DCC: variants seen among roughly 807,000 people sequenced by gnomAD.
DCC encodes the protein DCC netrin 1 receptor.
Under a neutral mutation model 172.5 loss-of-function variants are expected in DCC, and 58 were observed. The ratio of observed to expected loss-of-function variants is 0.34; its 90% CI spans 0.27 to 0.42. DCC has a LOEUF of 0.42. DCC is among the 10% of genes least tolerant of loss of function. The pLI, the probability that DCC is intolerant of heterozygous loss-of-function variation, is 1.00. For missense variants in DCC, 1,740 were observed against 1,791.0 expected (o/e 0.97, Z 0.51); for synonymous variants, 709 against 644.5 (o/e 1.10, Z -1.52).
At chr18:53,379,589 G>A (rs1907565938) in intron 15 of DCC, among the ~76,000 whole-genome samples, 2 of 152,102 alleles carry the variant, frequency 1.3e-5, no homozygotes, top group South Asian at 2.1e-4. Flanking sequence ...CACCTACCAA[G>A]TCTCAGGGGA....
intron 5 of DCC, among the ~76,000 whole-genome samples, chr18:52,926,974 C>T (rs28649062): frequency 3.4e-5 from 4 of 116,620 alleles, no homozygotes; most frequent in African/African-American, 1.2e-4. Context: ...GATATATATA[C>T]ATATATATGG....
At chr18:52,735,289 A>T (rs2036707644) in intron 1 of DCC, among the ~76,000 whole-genome samples, 1 of 152,140 alleles carries the variant, frequency 6.6e-6, no homozygotes, top group South Asian at 2.1e-4. Flanking sequence ...GGTTGCCAAC[A>T]TCAGTAGTAT....
intron 1 of DCC, among the ~76,000 whole-genome samples, chr18:52,455,360 A>G (rs1208120806): frequency 1.3e-5 from 2 of 152,192 alleles, no homozygotes; most frequent in Non-Finnish European, 2.9e-5. Context: ...CAGAATCACC[A>G]GAGAACCATC....
chr18:52,936,095 C>T (rs1031400670), intron 5 of DCC, among the ~76,000 whole-genome samples: 1 of 152,026 alleles, frequency 6.6e-6, no homozygotes, highest in Non-Finnish European at 1.5e-5. Context: ...ATGTAGGATA[C>T]AGGTGTGTAA....
rs1568165759 is a variant in DCC at position 52,427,855 on chromosome 18, C to CTTT, written c.91+86977_91+86978insTTT. Among the ~76,000 whole-genome samples the CTTT allele has an allele frequency of 1.5e-3, 108 of 69,868 alleles. 5 individuals are homozygous for CTTT. The South Asian group carries it at 0.018, about 12-fold the overall frequency. The allele number at this position is 69,868 out of a possible 152,430, so 45.8% of individuals were successfully genotyped here. ...TCCTTTCTTCCTTCCTTCCTTCCTTCCTTCCTTCCTTCCTTCCTTCCTTCC... is the reference window on the plus strand; with the variant it reads ...TCCTTTCTTCCTTCCTTCCTTCCTTCTTTCTTCCTTCCTTCCTTCCTTCCTTCC... On this transcript the variant is annotated intron_variant, in intron 1 of 28. Coordinates refer to ENST00000442544, the MANE Select transcript of DCC (RefSeq NM_005215.4).
intron 5 of DCC, among the ~76,000 whole-genome samples, chr18:52,972,923 T>C (rs1358983074): frequency 6.6e-6 from 1 of 152,230 alleles, no homozygotes. Context: ...GGGGGTGCAC[T>C]GAGCTGTGCA....
chr18:52,343,345 T>C (rs1199802780), intron 1 of DCC, among the ~76,000 whole-genome samples: 1 of 152,176 alleles, frequency 6.6e-6, no homozygotes, highest in Non-Finnish European at 1.5e-5. Context: ...GAAATTCCCA[T>C]TCAGCCGGGT....
At chr18:52,634,366 T>C (rs2083592380) in intron 1 of DCC, among the ~76,000 whole-genome samples, 1 of 152,230 alleles carries the variant, frequency 6.6e-6, no homozygotes, top group Admixed American at 6.5e-5. Context: ...GCACATGTAG[T>C]ATTTGTATGG....
intron 5 of DCC, among the ~76,000 whole-genome samples, chr18:52,979,242 G>T (rs768574950): frequency 6.6e-6 from 1 of 152,174 alleles, no homozygotes; most frequent in African/African-American, 2.4e-5. Flanking sequence ...CATTAAGGTA[G>T]TTTCCTATGA....
intron 5 of DCC, among the ~76,000 whole-genome samples, chr18:52,939,606 C>T (rs1568199779): frequency 6.6e-6 from 1 of 152,166 alleles, no homozygotes; most frequent in African/African-American, 2.4e-5. Flanking sequence ...ATGTGCCAGG[C>T]ACTTTGCACA....
At position 53,178,254 on chromosome 18, in the gene DCC, G is replaced by A. The variant is rs184511145; in HGVS notation, c.1419-708G>A. Among the ~76,000 whole-genome samples, 238 of 152,220 alleles carry A rather than the reference G, an allele frequency of 1.6e-3. 4 individuals are homozygous for A. Among genetic ancestry groups the A allele is most frequent in the Admixed American group, 0.013 (198 of 15,288 alleles). On this transcript the variant is annotated intron_variant, in intron 8 of 28. Coordinates refer to ENST00000442544, the MANE Select transcript of DCC (RefSeq NM_005215.4). ...CAAACGGTTTGTCATCTCTTAATACGCACTATAAATGCAACCATGATCAGT... is the reference window on the plus strand; with the variant it reads ...CAAACGGTTTGTCATCTCTTAATACACACTATAAATGCAACCATGATCAGT...
At chr18:53,401,802 C>T (rs985849080) in intron 18 of DCC, among the ~76,000 whole-genome samples, 9 of 152,116 alleles carry the variant, frequency 5.9e-5, no homozygotes, top group Admixed American at 2.0e-4. Flanking sequence ...TCTTCCAAAA[C>T]GTAGAAAGTG....
intron 23 of DCC, among the ~76,000 whole-genome samples, chr18:53,455,179 G>A (rs890656924): frequency 2.0e-5 from 3 of 152,156 alleles, no homozygotes; most frequent in African/African-American, 7.2e-5. Flanking sequence ...GGGTCAGAAT[G>A]TTCCTGCCTC....
At chr18:52,914,766 G>A (rs749753795) in intron 3 of DCC, among the ~76,000 whole-genome samples, 5 of 152,060 alleles carry the variant, frequency 3.3e-5, no homozygotes, top group Admixed American at 6.6e-5. Flanking sequence ...AACTAGATGC[G>A]GGATGGCTAA....
intron 1 of DCC, among the ~76,000 whole-genome samples, chr18:52,495,963 T>C (rs987281600): frequency 2.6e-5 from 4 of 152,096 alleles, no homozygotes; most frequent in African/African-American, 4.8e-5. Flanking sequence ...GCTTTCTATG[T>C]TTATAAGGAG....
At position 53,118,168 on chromosome 18, in the gene DCC, CAAAG is replaced by C. The variant is rs373708756; in HGVS notation, c.1262-39185_1262-39182del. On this transcript the variant is annotated intron_variant, in intron 7 of 28. Coordinates refer to ENST00000442544, the MANE Select transcript of DCC (RefSeq NM_005215.4). The stretch of plus-strand genomic sequence containing the variant: ...GTGTTATTTTTTATCAAACAAAAGA[CAAAG>C]AAGGCCCCCAATAATATTTTTGCAG... Among the ~76,000 whole-genome samples the C allele has an allele frequency of 3.4e-3, 517 of 151,816 alleles. 1 individual carries two copies. The highest frequency in any genetic ancestry group is 0.011 in the African/African-American group (448 of 41,498).
intron 1 of DCC, among the ~76,000 whole-genome samples, chr18:52,566,482 C>A (rs988612639): frequency 6.6e-6 from 1 of 151,992 alleles, no homozygotes; most frequent in East Asian, 1.9e-4. Flanking sequence ...CAAACCTGCA[C>A]GTTCTGCACA....
At chr18:52,928,469 G>A (rs750872180) in intron 5 of DCC, among the ~76,000 whole-genome samples, 4 of 152,080 alleles carry the variant, frequency 2.6e-5, no homozygotes, top group Admixed American at 6.6e-5. Context: ...ATAAATTAAC[G>A]TAATATAATA....
Position 52,758,064 on chromosome 18 carries a change from G to A in DCC, c.412+5690G>A, listed in dbSNP as rs186204258. Among the ~76,000 whole-genome samples the A allele has an allele frequency of 8.2e-4, 124 of 152,128 alleles. No individual in the cohort carries two copies. In the South Asian group the frequency reaches 0.014, roughly 17 times the overall value. ...AATAATGATAATAATAATGAAAATC[G>A]ATTTATCCACTTAGTCCCTTGAAAA... On this transcript the variant is annotated intron_variant, in intron 2 of 28. Transcript: ENST00000442544.
Sources: gnomAD v4.1 joint callset for allele counts (sites outside exome capture counted in the v4.1 genomes callset) on GRCh38, gnomAD v4.1.1 for gene constraint, MANE v1.5 for transcripts, NCBI Gene and HGNC (gene_info 2026-07-23, HGNC 2026-07-21) for gene names.